The following SAMD3 variants were observed in gnomAD, a reference collection of about 807,000 sequenced individuals.
SAMD3 encodes the protein sterile alpha motif domain-containing protein 3.
In SAMD3, 63 loss-of-function variants were observed where a neutral mutation model predicts 58.5. The ratio of observed to expected loss-of-function variants is 1.08; its 90% confidence interval spans 0.88 to 1.33. The LOEUF (loss-of-function observed/expected upper bound fraction) is 1.33. Ranked by LOEUF, SAMD3 falls within the 40% of genes most tolerant of loss-of-function variation. The pLI is 0.00. For missense variants in SAMD3, 604 were observed against 608.4 expected (o/e 0.99, Z 0.08); for synonymous variants, 220 against 210.3 (o/e 1.05, Z -0.40).
chr6:130,146,642 G>A (rs1212817856), intron 9 of SAMD3, among the ~76,000 whole-genome samples: 3 of 152,130 alleles, frequency 2.0e-5, no homozygotes, highest in Non-Finnish European at 4.4e-5. Context: ...GTAAAGGAGA[G>A]TGCTTTAGAA....
Position 130,146,093 on chromosome 6 carries a change from G to C in SAMD3, c.1112C>G (p.Thr371Ser). 2.5e-6 allele frequency: 4 copies of C among 1,600,184 alleles called. No individual in the cohort carries two copies. Among genetic ancestry groups the C allele is most frequent in the Non-Finnish European group, 3.4e-6 (4 of 1,172,026 alleles). Reference sequence around the variant, plus strand: ...TGGATTGTCCACCACTGAAAAAGAAGTCAGTATATTTTCTGAATAGGATTC... The same window carrying C: ...TGGATTGTCCACCACTGAAAAAGAACTCAGTATATTTTCTGAATAGGATTC... ...ILESYSENIL[T>S]SFSVVDNPIN... The change falls in exon 10 of 12, where the codon ACT becomes AGT. Residue 371 changes from threonine (T) to serine (S), a missense_variant. Transcript: ENST00000439090.
intron 8 of SAMD3, among the ~76,000 whole-genome samples, chr6:130,174,360 G>A (rs1791533268): frequency 6.6e-6 from 1 of 152,222 alleles, no homozygotes; most frequent in Non-Finnish European, 1.5e-5. Flanking sequence ...TGGGAAAAGT[G>A]TAGTAACCCA....
intron 2 of SAMD3, among the ~76,000 whole-genome samples, chr6:130,310,139 C>G (rs1240737811): frequency 3.3e-5 from 5 of 152,162 alleles, no homozygotes; most frequent in African/African-American, 1.2e-4. Context: ...AATATTCTCC[C>G]AGAATTTTCT....
At chr6:130,266,621 A>G (rs56960362) in intron 2 of SAMD3, among the ~76,000 whole-genome samples, 47,283 of 152,086 alleles carry the variant, frequency 0.31, 7,741 homozygotes, top group East Asian at 0.47. Context: ...AACCATGTAG[A>G]TCCTCCCAGA....
At chr6:130,196,233 C>T (rs1304075368) in intron 5 of SAMD3, among the ~76,000 whole-genome samples, 2 of 152,140 alleles carry the variant, frequency 1.3e-5, no homozygotes, top group Non-Finnish European at 1.5e-5. Context: ...CTATGCTCAA[C>T]TCACTCTCTA....
chr6:130,180,622 TTTG>T (rs1195764384), intron 7 of SAMD3, among the ~76,000 whole-genome samples: 1 of 152,184 alleles, frequency 6.6e-6, no homozygotes, highest in Non-Finnish European at 1.5e-5. Context: ...CTTGTTTGGT[TTTG>T]TTGTTGTTGT....
At chr6:130,345,558 C>T (rs1332060576) in intron 1 of SAMD3, among the ~76,000 whole-genome samples, 1 of 151,978 alleles carries the variant, frequency 6.6e-6, no homozygotes, top group African/African-American at 2.4e-5. Flanking sequence ...GTTTGGGGGA[C>T]ATGGGGATAA....
intron 1 of SAMD3, among the ~76,000 whole-genome samples, chr6:130,321,713 A>ACG (rs1562521396): frequency 1.3e-5 from 2 of 151,584 alleles, no homozygotes; most frequent in African/African-American, 4.9e-5. Context: ...CCCCAATAAA[A>ACG]TAAGATGAGA....
chr6:130,317,075 C>A (rs1282592102), intron 1 of SAMD3, among the ~76,000 whole-genome samples: 1 of 152,122 alleles, frequency 6.6e-6, no homozygotes, highest in Non-Finnish European at 1.5e-5. Context: ...AGTGAGAAAT[C>A]CTGAGTTACA....
intron 1 of SAMD3, among the ~76,000 whole-genome samples, chr6:130,361,611 C>A (rs1777991168): frequency 6.6e-6 from 1 of 151,992 alleles, no homozygotes; most frequent in Non-Finnish European, 1.5e-5. Flanking sequence ...TAAGAAAAAC[C>A]TTATTTTTCT....
At chr6:130,167,816 T>C (rs766317181) in intron 8 of SAMD3, among the ~76,000 whole-genome samples, 2 of 152,128 alleles carry the variant, frequency 1.3e-5, no homozygotes, top group Non-Finnish European at 2.9e-5. Context: ...TTTTTAAACA[T>C]TGCAAAATAC....
intron 2 of SAMD3, among the ~76,000 whole-genome samples, chr6:130,294,636 T>A (rs904121607): frequency 8.6e-5 from 13 of 151,916 alleles, no homozygotes; most frequent in Non-Finnish European, 1.3e-4. Context: ...ATTTTTTTTT[T>A]TTTTGCAATA....
chr6:130,323,339 C>T (rs766132034), intron 1 of SAMD3, among the ~76,000 whole-genome samples: 6 of 152,164 alleles, frequency 3.9e-5, no homozygotes, highest in Non-Finnish European at 8.8e-5. Flanking sequence ...GGCAGCAAAT[C>T]CCTGACAAGT....
chr6:130,160,680 G>A (rs1304529359), intron 8 of SAMD3: 1 of 152,062 alleles, frequency 6.6e-6, no homozygotes, highest in African/African-American at 2.4e-5. Flanking sequence ...AGAATAGCTA[G>A]GAAACTTGTG....
chr6:130,167,051 G>A (rs1790795398), intron 8 of SAMD3, among the ~76,000 whole-genome samples: 7 of 152,050 alleles, frequency 4.6e-5, no homozygotes, highest in Admixed American at 3.9e-4. Context: ...TATGCATAAC[G>A]GTGTTCTCTG....
At chr6:130,326,714 G>A (rs753904630) in intron 1 of SAMD3, among the ~76,000 whole-genome samples, 12 of 152,080 alleles carry the variant, frequency 7.9e-5, no homozygotes, top group Non-Finnish European at 1.0e-4. Context: ...CACTAATTAC[G>A]AGTGTGTCTG....
chr6:130,186,938 T>A (rs7742275), intron 5 of SAMD3, among the ~76,000 whole-genome samples: 55,914 of 150,288 alleles, frequency 0.37, 11,034 homozygotes, highest in African/African-American at 0.48. Flanking sequence ...GCCTGGCTAA[T>A]TTTTTTTATT....
intron 1 of SAMD3, among the ~76,000 whole-genome samples, chr6:130,320,117 G>C (rs1351920391): frequency 1.3e-5 from 2 of 151,890 alleles, no homozygotes; most frequent in South Asian, 2.1e-4. Flanking sequence ...AGGCAATAAA[G>C]AACAAATGGA....
At chr6:130,286,438 G>T (rs141051166) in intron 2 of SAMD3, among the ~76,000 whole-genome samples, 1 of 152,140 alleles carries the variant, frequency 6.6e-6, no homozygotes, top group Non-Finnish European at 1.5e-5. Flanking sequence ...TCAAGGTTAC[G>T]GCACAGTTCC....
Sources: gnomAD v4.1 joint callset for allele counts (sites outside exome capture counted in the v4.1 genomes callset) on GRCh38, gnomAD v4.1.1 for gene constraint, MANE v1.5 for transcripts, NCBI Gene and HGNC (gene_info 2026-07-23, HGNC 2026-07-21) for gene names.